LRFN5: variants seen among roughly 807,000 people sequenced by gnomAD.
LRFN5 encodes leucine rich repeat and fibronectin type III domain containing 5, also known as leucine-rich repeat and fibronectin type-III domain-containing protein 5.
Under a neutral mutation model 45.6 loss-of-function variants are expected in LRFN5, and 24 were observed. The observed-to-expected ratio is 0.53, with a 90% CI of 0.38 to 0.74. The LOEUF is 0.74. LRFN5 is among the 30% of genes least tolerant of loss of function. The pLI, the probability that LRFN5 is intolerant of heterozygous loss-of-function variation, is 0.00. For synonymous variants in LRFN5, 340 were observed against 313.8 expected, an observed-to-expected ratio of 1.08 and a Z score of -0.88; for missense variants, 776 against 861.5, an observed-to-expected ratio of 0.90 and a Z score of 1.24.
At chr14:41,850,255 G>A (rs535538325) in intron 2 of LRFN5, among the ~76,000 whole-genome samples, 49 of 151,884 alleles carry the variant, frequency 3.2e-4, no homozygotes, top group Admixed American at 2.2e-3. Context: ...TGTCTGACAC[G>A]TACACAATAC....
intron 1 of LRFN5, chr14:41,700,609 A>AAAAAC (rs1300935243): frequency 3.3e-5 from 5 of 152,150 alleles, no homozygotes. Context: ...AAAAGAAAAG[A>AAAAAC]AAAACAAAAC....
At chr14:41,697,373 A>G (rs1222433581) in intron 1 of LRFN5, among the ~76,000 whole-genome samples, 1 of 151,900 alleles carries the variant, frequency 6.6e-6, no homozygotes. Flanking sequence ...TCTTTTAAAA[A>G]TTATTCAAAT....
chr14:41,649,533 T>TTC (rs1374037310), intron 1 of LRFN5, among the ~76,000 whole-genome samples: 1 of 152,172 alleles, frequency 6.6e-6, no homozygotes, highest in Non-Finnish European at 1.5e-5. Flanking sequence ...CTTCTGAATC[T>TTC]TCTCCTAGGC....
chr14:41,645,477 G>A (rs931404903), intron 1 of LRFN5, among the ~76,000 whole-genome samples: 1 of 151,442 alleles, frequency 6.6e-6, no homozygotes. Flanking sequence ...ATTTTTATAT[G>A]CTTACATTTT....
In LRFN5 at chr14:41,710,094, T is replaced by C. The variant is rs181806282; in HGVS notation, c.-196-56760T>C. On this transcript the variant is annotated intron_variant, in intron 1 of 5. Transcript: ENST00000298119. The stretch of plus-strand genomic sequence containing the variant: ...AATATATTGTTGTCTTTTAAATAAA[T>C]GTAGTATAATTTACAGCTCTTGAAG... Among the ~76,000 whole-genome samples, 78 of 152,238 alleles carry C rather than the reference T, an allele frequency of 5.1e-4. No homozygotes were observed. The East Asian group carries it at 0.015, about 29-fold the overall frequency.
intron 2 of LRFN5, among the ~76,000 whole-genome samples, chr14:41,782,781 G>C (rs772118847): frequency 3.3e-5 from 5 of 152,090 alleles, no homozygotes; most frequent in Non-Finnish European, 7.4e-5. Context: ...GCTTCTCCAA[G>C]TATTTCTCAT....
chr14:41,700,991 G>A (rs1029393684), intron 1 of LRFN5: 8 of 152,116 alleles, frequency 5.3e-5, no homozygotes, highest in African/African-American at 1.7e-4. Context: ...AAATGGAAAG[G>A]TAAATTAATG....
chr14:41,764,346 A>C (rs1353587157), intron 1 of LRFN5, among the ~76,000 whole-genome samples: 1 of 152,146 alleles, frequency 6.6e-6, no homozygotes, highest in Non-Finnish European at 1.5e-5. Context: ...ACCTCATTTG[A>C]TTCTTAAGAG....
intron 1 of LRFN5, among the ~76,000 whole-genome samples, chr14:41,640,758 C>A (rs1000798226): frequency 3.9e-5 from 6 of 152,064 alleles, no homozygotes; most frequent in East Asian, 1.9e-4. Context: ...CTGTAACAAA[C>A]AAATAATATC....
intron 1 of LRFN5, among the ~76,000 whole-genome samples, chr14:41,649,191 C>T (rs908264375): frequency 2.0e-5 from 3 of 152,002 alleles, no homozygotes; most frequent in Admixed American, 1.3e-4. Context: ...GCTGAGATTG[C>T]GCCACTGCAC....
At chr14:41,698,092 G>T (rs1882691535) in intron 1 of LRFN5, among the ~76,000 whole-genome samples, 1 of 151,808 alleles carries the variant, frequency 6.6e-6, no homozygotes, top group Non-Finnish European at 1.5e-5. Context: ...AAAAAGGGAA[G>T]GGCTATAGAT....
intron 2 of LRFN5, among the ~76,000 whole-genome samples, chr14:41,819,441 T>C (rs1484970583): frequency 2.6e-5 from 4 of 152,142 alleles, no homozygotes; most frequent in Admixed American, 2.6e-4. Context: ...CTCATTGTGG[T>C]TTTAATTTGC....
At chr14:41,665,443 T>C (rs1880851927) in intron 1 of LRFN5, among the ~76,000 whole-genome samples, 1 of 152,072 alleles carries the variant, frequency 6.6e-6, no homozygotes, top group Non-Finnish European at 1.5e-5. Context: ...TGCAGGAAAC[T>C]CATCTGGGCA....
chr14:41,722,473 G>A (rs1199347688), intron 1 of LRFN5, among the ~76,000 whole-genome samples: 1 of 151,754 alleles, frequency 6.6e-6, no homozygotes, highest in Non-Finnish European at 1.5e-5. Context: ...GATTTCTTAT[G>A]TGGAGACACT....
chr14:41,629,273 G>A lies in LRFN5; in HGVS notation c.-197+20711G>A, dbSNP rs72684569. Among the ~76,000 whole-genome samples the A allele has an allele frequency of 6.4e-3, 978 of 152,116 alleles. 4 individuals carry two copies. Among genetic ancestry groups the A allele is most frequent in the South Asian group, 0.026 (123 of 4,818 alleles). On this transcript the variant is annotated intron_variant, in intron 1 of 5. Coordinates refer to ENST00000298119, the MANE Select transcript of LRFN5 (RefSeq NM_152447.5). The stretch of plus-strand genomic sequence containing the variant: ...GCCCTATGATTGTTTCTTGTATTGC[G>A]CCATCAGATAATTTATCCAACAACA...
rs1207281360 is a variant in LRFN5 at position 41,704,440 on chromosome 14, C to CTGTGTGTG, written c.-196-62413_-196-62412insGTGTGTGT. Among the ~76,000 whole-genome samples the CTGTGTGTG allele has an allele frequency of 8.2e-4, 103 of 125,346 alleles. 1 individual carries two copies. Among genetic ancestry groups the CTGTGTGTG allele is most frequent in the African/African-American group, 2.0e-3 (56 of 27,528 alleles). 82.2% of individuals were successfully genotyped at this position (125,346 alleles called of 152,430 possible). ...TCTCTCTCTCTCTCTCTCTCTCTCTCTCTCTCTCTGTGTGTGTGTGTCTGT... is the reference window on the plus strand; with the variant it reads ...TCTCTCTCTCTCTCTCTCTCTCTCTCTGTGTGTGTCTCTCTCTGTGTGTGTGTGTCTGT... On this transcript the variant is annotated intron_variant, in intron 1 of 5. Coordinates refer to ENST00000298119, the MANE Select transcript of LRFN5 (RefSeq NM_152447.5).
intron 1 of LRFN5, among the ~76,000 whole-genome samples, chr14:41,612,298 A>G (rs1300077122): frequency 6.6e-6 from 1 of 152,174 alleles, no homozygotes; most frequent in Non-Finnish European, 1.5e-5. Flanking sequence ...AAGATTGCTA[A>G]TAAGTATTAT....
At chr14:41,780,708 G>C (rs560413963) in intron 2 of LRFN5, among the ~76,000 whole-genome samples, 4 of 151,874 alleles carry the variant, frequency 2.6e-5, no homozygotes, top group Non-Finnish European at 5.9e-5. Context: ...TATCTACCAT[G>C]TTTTAGTTGT....
rs117970653 is a variant in LRFN5 at position 41,757,977 on chromosome 14, T to C, written c.-196-8877T>C. 9.1e-4 allele frequency among the ~76,000 whole-genome samples: 139 copies of C among 152,304 alleles called. 2 individuals are homozygous for C. The East Asian group carries it at 0.026, about 28-fold the overall frequency. On this transcript the variant is annotated intron_variant, in intron 1 of 5. Transcript: ENST00000298119. ...CACTCACTTTTTCCATGGTGGCTCATACTAATATGGGACTATCCTAATAGT... is the reference window on the plus strand; with the variant it reads ...CACTCACTTTTTCCATGGTGGCTCACACTAATATGGGACTATCCTAATAGT...
Sources: allele counts gnomAD v4.1 joint callset (sites outside exome capture counted in the v4.1 genomes callset), GRCh38; gene constraint gnomAD v4.1.1; transcripts MANE v1.5; gene names NCBI Gene and HGNC (gene_info 2026-07-23, HGNC 2026-07-21).